Variants in CDK11B observed in about 807,000 individuals in gnomAD.
CDK11B encodes the protein cyclin dependent kinase 11B.
In CDK11B, 37 loss-of-function variants were observed where a neutral mutation model predicts 84.0. The observed-to-expected ratio is 0.44, with a 90% CI of 0.34 to 0.58. CDK11B has a LOEUF of 0.58. Ranked by LOEUF, CDK11B falls within the 20% of genes least tolerant of loss-of-function variation. The probability of loss-of-function intolerance (pLI) is 0.02; values close to 1 mark genes in which losing one functional copy is unlikely to be tolerated. For missense variants in CDK11B, 427 were observed against 834.0 expected, an observed-to-expected ratio of 0.51 and a Z score of 6.01; for synonymous variants, 269 against 309.8, an observed-to-expected ratio of 0.87 and a Z score of 1.38.
chr1:1,651,020 C>T lies in CDK11B; in HGVS notation c.356-1383G>A, dbSNP rs1156311355. Among the ~76,000 whole-genome samples, 1,074 of 152,228 alleles carry T rather than the reference C, an allele frequency of 7.1e-3. 10 individuals are homozygous for T. The highest frequency in any genetic ancestry group is 0.024 in the African/African-American group (1,010 of 41,532). On this transcript the variant is annotated intron_variant, in intron 4 of 19. Transcript: ENST00000341832. ...ACAAAGACTACAGAACAAAGCTTTG[C>T]TATCAGTGGGCTTCTCCACTGTGCA... is the stretch of plus-strand genomic sequence containing the variant.
Position 1,637,014 on chromosome 1 carries a change from C to G in CDK11B, c.1693-10G>C, listed in dbSNP as rs778861428. The G allele has an allele frequency of 1.9e-6, 3 of 1,612,796 alleles. No individual in the cohort carries two copies. In the African/African-American group the frequency reaches 4.0e-5, roughly 22 times the overall value. ...GCCCGAAGTCACCCACCTGCAACGA[C>G]AGATGGGCGGCTGTGAGTGGGCCCC... is the stretch of plus-strand genomic sequence containing the variant. On this transcript the variant is annotated splice_polypyrimidine_tract_variant and intron_variant, in intron 15 of 19. Transcript: ENST00000341832.
At chr1:1,647,554 C>T (rs1641330699) in intron 5 of CDK11B, among the ~76,000 whole-genome samples, 2 of 152,260 alleles carry the variant, frequency 1.3e-5, no homozygotes, top group Admixed American at 6.5e-5. Flanking sequence ...AGTAAGGCTT[C>T]CTTGGCCCAC....
chr1:1,654,894 G>A (rs571966120), intron 3 of CDK11B, among the ~76,000 whole-genome samples: 84 of 151,776 alleles, frequency 5.5e-4, no homozygotes, highest in Non-Finnish European at 1.0e-3. Flanking sequence ...TTCTGACCTT[G>A]TGATCCGCCC....
chr1:1,655,910 C>T (rs1187926123), intron 2 of CDK11B, among the ~76,000 whole-genome samples: 1 of 151,700 alleles, frequency 6.6e-6, no homozygotes, highest in Non-Finnish European at 1.5e-5. Flanking sequence ...AACAAACAAA[C>T]TTTAATTCAA....
Position 1,649,551 on chromosome 1 carries a change from A to C in CDK11B, c.442T>G (p.Trp148Gly). ...ATCTCCCTTCTCTTCTGTCTTTCCC[A>C]TTCCCGGCGAGCTTTATCCTGTTCT... Reference protein sequence around the residue: ...REEQDKARREWERQKRREMAR... With the variant: ...REEQDKARREGERQKRREMAR... Residue 148 changes from tryptophan (W) to glycine (G), a missense_variant, in exon 5 of 20, where the codon TGG becomes GGG. Trp to Gly is a radical substitution (Grantham distance 184, BLOSUM62 -2). This residue lies in a region of CDK11B where 71 missense variants were observed against 66.2 expected (regional missense o/e 1.07). Coordinates refer to ENST00000341832, the MANE Select transcript of CDK11B (RefSeq NM_033486.3). 6.2e-7 allele frequency: 1 copy of C among 1,603,990 alleles called. No homozygotes were observed. The highest frequency in any genetic ancestry group is 1.1e-5 in the South Asian group (1 of 90,844).
At chr1:1,639,435 A>G (rs542514413) in intron 11 of CDK11B, among the ~76,000 whole-genome samples, 22 of 151,778 alleles carry the variant, frequency 1.4e-4, no homozygotes, top group South Asian at 4.2e-4. Context: ...AAGCCATCCC[A>G]AGAGTCTCTT....
chr1:1,637,548 C>A (rs780095789), intron 13 of CDK11B, 35 bp from the exon 14 acceptor site: 2 of 1,610,048 alleles, frequency 1.2e-6, no homozygotes, highest in South Asian at 2.2e-5. Flanking sequence ...CTGGGCACCT[C>A]CAGGCCCCCA....
At chr1:1,656,556 G>A (rs1390309116) in intron 2 of CDK11B, among the ~76,000 whole-genome samples, 62 of 152,146 alleles carry the variant, frequency 4.1e-4, no homozygotes, top group Non-Finnish European at 3.2e-4. Flanking sequence ...TTGGGAGGCC[G>A]AGGTGGGTGG....
At chr1:1,650,283 A>C (rs1641800743) in intron 4 of CDK11B, among the ~76,000 whole-genome samples, 1 of 150,334 alleles carries the variant, frequency 6.7e-6, no homozygotes, top group Admixed American at 6.6e-5. Context: ...AAAAAAAAAA[A>C]AGAAATTAAA....
At chr1:1,635,883 C>G in intron 19 of CDK11B, 27 bp from the exon 20 acceptor site, 1 of 333,198 alleles carries the variant, frequency 3.0e-6, no homozygotes, top group South Asian at 2.4e-5. Flanking sequence ...ACCGTGAGAA[C>G]CCTGCCCAAG....
intron 2 of CDK11B, among the ~76,000 whole-genome samples, chr1:1,656,887 T>A (rs1303516621): frequency 6.6e-6 from 1 of 152,252 alleles, no homozygotes; most frequent in Non-Finnish European, 1.5e-5. Flanking sequence ...AAGGTATGCC[T>A]GTACTCACTA....
chr1:1,639,361 G>A (rs1480549544), intron 11 of CDK11B, among the ~76,000 whole-genome samples: 1 of 151,678 alleles, frequency 6.6e-6, no homozygotes, highest in Non-Finnish European at 1.5e-5. Flanking sequence ...AGGCTCCAGT[G>A]AGCTATGATT....
intron 1 of CDK11B, among the ~76,000 whole-genome samples, chr1:1,658,131 G>A (rs1473767822): frequency 6.8e-6 from 1 of 146,144 alleles, no homozygotes; most frequent in Non-Finnish European, 1.5e-5. Flanking sequence ...CCGAGGTCGC[G>A]TCACTGCACT....
chr1:1,654,262 G>A (rs1642424959), intron 3 of CDK11B: 1 of 424,846 alleles, frequency 2.4e-6, no homozygotes, highest in East Asian at 7.1e-5. Flanking sequence ...GAACACACAG[G>A]TCTCAACAAG....
At chr1:1,644,972 G>C (rs1428395052) in intron 6 of CDK11B, among the ~76,000 whole-genome samples, 154 bp downstream of exon 6, 1 of 142,874 alleles carries the variant, frequency 7.0e-6, no homozygotes, top group South Asian at 2.1e-4. Context: ...CAGCCTGGGG[G>C]ACAAGAGCAA....
chr1:1,656,257 G>A (rs1642732401), intron 2 of CDK11B, among the ~76,000 whole-genome samples: 1 of 151,884 alleles, frequency 6.6e-6, no homozygotes, highest in Non-Finnish European at 1.5e-5. Flanking sequence ...GAGGCTGGGT[G>A]AGGCAGGTGA....
At chr1:1,649,933 G>A (rs1449820681) in intron 4 of CDK11B, among the ~76,000 whole-genome samples, 11 of 139,972 alleles carry the variant, frequency 7.9e-5, no homozygotes, top group South Asian at 2.3e-4. Context: ...CCGAGATCAC[G>A]CCACTGCACT....
At chr1:1,656,668 T>C (rs1020220262) in intron 2 of CDK11B, among the ~76,000 whole-genome samples, 2 of 152,042 alleles carry the variant, frequency 1.3e-5, no homozygotes, top group African/African-American at 4.8e-5. Flanking sequence ...TGGGCCCCTG[T>C]AGTCCCAGCT....
At chr1:1,647,152 GT>G (rs1361846435) in intron 5 of CDK11B, among the ~76,000 whole-genome samples, 1 of 152,166 alleles carries the variant, frequency 6.6e-6, no homozygotes, top group East Asian at 1.9e-4. Flanking sequence ...CATTTTTCTT[GT>G]TTTTTTCTCT....
Sources: allele counts gnomAD v4.1 joint callset (sites outside exome capture counted in the v4.1 genomes callset), GRCh38; gene constraint gnomAD v4.1.1; regional missense constraint gnomAD v4.1.1; transcripts MANE v1.5; gene names NCBI Gene and HGNC (gene_info 2026-07-23, HGNC 2026-07-21).